Variants in DTNB observed in about 807,000 individuals in gnomAD.
DTNB encodes the protein DTN-B.
DTNB carries 63 observed loss-of-function variants against 90.7 expected under a neutral mutation model. The ratio of observed to expected loss-of-function variants is 0.69; its 90% CI spans 0.57 to 0.86. The LOEUF (loss-of-function observed/expected upper bound fraction) is 0.86. DTNB is among the 40% of genes least tolerant of loss of function. DTNB has a pLI of 0.00. For missense variants in DTNB, 744 were observed against 807.1 expected (o/e 0.92, Z 0.95); for synonymous variants, 277 against 286.7 (o/e 0.97, Z 0.34).
At chr2:25,672,911 T>C (rs1182054060) in intron 1 of DTNB, 1 of 152,324 alleles carries the variant, frequency 6.6e-6, no homozygotes, top group Admixed American at 6.5e-5. Flanking sequence ...AGGTTCGCTA[T>C]TAGGCGCCTC....
intron 1 of DTNB, among the ~76,000 whole-genome samples, chr2:25,664,758 A>T (rs1009617973): frequency 6.6e-6 from 1 of 152,214 alleles, no homozygotes; most frequent in African/African-American, 2.4e-5. Flanking sequence ...TTAGAAGTAG[A>T]GAGGAAACTA....
intron 16 of DTNB, among the ~76,000 whole-genome samples, chr2:25,409,462 C>T (rs181140461): frequency 6.6e-6 from 1 of 152,084 alleles, no homozygotes; most frequent in Non-Finnish European, 1.5e-5. Flanking sequence ...TGGCAAGACT[C>T]GATTAGTGAG....
chr2:25,466,072 C>G (rs1362865155), intron 10 of DTNB, among the ~76,000 whole-genome samples: 1 of 152,110 alleles, frequency 6.6e-6, no homozygotes, highest in Admixed American at 6.6e-5. Context: ...TGGTGGCTCA[C>G]GCTTGTAATC....
intron 8 of DTNB, among the ~76,000 whole-genome samples, chr2:25,536,731 G>C (rs2079899515): frequency 6.6e-6 from 1 of 152,108 alleles, no homozygotes; most frequent in South Asian, 2.1e-4. Flanking sequence ...AGCGAGAGGG[G>C]AGATGGGAGA....
At chr2:25,540,294 T>A (rs1475208591) in intron 8 of DTNB, among the ~76,000 whole-genome samples, 1 of 152,244 alleles carries the variant, frequency 6.6e-6, no homozygotes, top group African/African-American at 2.4e-5. Context: ...CATTTCCCCA[T>A]GTATTTAAAT....
chr2:25,443,398 T>C (rs2057862992), intron 12 of DTNB, among the ~76,000 whole-genome samples: 1 of 152,196 alleles, frequency 6.6e-6, no homozygotes. Flanking sequence ...AAATACAGGA[T>C]AATAAATAAG....
chr2:25,539,486 G>C (rs1191480205), intron 8 of DTNB, among the ~76,000 whole-genome samples: 1 of 151,748 alleles, frequency 6.6e-6, no homozygotes, highest in Non-Finnish European at 1.5e-5. Context: ...TAAAAAGATT[G>C]AGCCTCTTTT....
At chr2:25,435,688 T>C (rs973629905) in intron 12 of DTNB, among the ~76,000 whole-genome samples, 22 of 152,248 alleles carry the variant, frequency 1.4e-4, no homozygotes, top group African/African-American at 5.3e-4. Context: ...TTTTGAATAG[T>C]GCTGCTTTGA....
chr2:25,433,266 C>G (rs1019854639), intron 13 of DTNB, among the ~76,000 whole-genome samples: 4 of 152,178 alleles, frequency 2.6e-5, no homozygotes, highest in African/African-American at 9.7e-5. Flanking sequence ...AAAATTACAG[C>G]CAGAATACTT....
At chr2:25,409,317 A>C (rs2046038962) in intron 16 of DTNB, among the ~76,000 whole-genome samples, 1 of 152,246 alleles carries the variant, frequency 6.6e-6, no homozygotes, top group African/African-American at 2.4e-5. Flanking sequence ...CTAGGTTTAT[A>C]GCCTTTCTCC....
chr2:25,486,700 A>G (rs2066258385), intron 9 of DTNB, among the ~76,000 whole-genome samples: 1 of 152,136 alleles, frequency 6.6e-6, no homozygotes, highest in African/African-American at 2.4e-5. Context: ...CAAAACCTTC[A>G]TGGTTCTTGT....
chr2:25,458,260 C>A (rs924050254), intron 10 of DTNB, among the ~76,000 whole-genome samples: 4 of 152,050 alleles, frequency 2.6e-5, no homozygotes, highest in African/African-American at 9.7e-5. Context: ...GAAATAACTA[C>A]AAAAACAGTT....
intron 19 of DTNB, among the ~76,000 whole-genome samples, chr2:25,382,135 C>T (rs566982771): frequency 1.3e-5 from 2 of 152,356 alleles, no homozygotes; most frequent in Admixed American, 1.3e-4. Flanking sequence ...TTCAGAATTC[C>T]TCCCTGGGAG....
chr2:25,616,638 A>AAAAAAAAAAG (rs1402600473), intron 4 of DTNB, among the ~76,000 whole-genome samples: 1 of 150,326 alleles, frequency 6.7e-6, no homozygotes. Context: ...AGTAAAAAAA[A>AAAAAAAAAAG]AAAAAAAGAC....
intron 4 of DTNB, among the ~76,000 whole-genome samples, chr2:25,609,774 C>T (rs1259072467): frequency 2.0e-5 from 3 of 150,884 alleles, no homozygotes; most frequent in South Asian, 2.1e-4. Context: ...TAGGGTGGGG[C>T]GTTGACACTG....
At chr2:25,603,477 C>T (rs571596839) in intron 5 of DTNB, among the ~76,000 whole-genome samples, 3 of 152,120 alleles carry the variant, frequency 2.0e-5, no homozygotes, top group African/African-American at 7.2e-5. Context: ...TACCTGGAGA[C>T]AGAAACTCTC....
chr2:25,541,483 AAAAT>A, intron 8 of DTNB, among the ~76,000 whole-genome samples: 1 of 152,278 alleles, frequency 6.6e-6, no homozygotes, highest in South Asian at 2.1e-4. Context: ...CCGTCTCAAA[AAAAT>A]AAATAAATAC....
intron 4 of DTNB, among the ~76,000 whole-genome samples, chr2:25,615,798 A>G (rs1452905439): frequency 6.6e-6 from 1 of 152,216 alleles, no homozygotes; most frequent in Non-Finnish European, 1.5e-5. Flanking sequence ...TTCCGTAGAA[A>G]TCAACAGGAT....
chr2:25,566,292 TA>T (rs2059021478), intron 8 of DTNB, among the ~76,000 whole-genome samples: 1 of 152,146 alleles, frequency 6.6e-6, no homozygotes, highest in South Asian at 2.1e-4. Context: ...CAGGTGCAAC[TA>T]AACAAATTGT....
Sources: allele counts gnomAD v4.1 joint callset (sites outside exome capture counted in the v4.1 genomes callset), GRCh38; gene constraint gnomAD v4.1.1; transcripts MANE v1.5; gene names NCBI Gene and HGNC (gene_info 2026-07-23, HGNC 2026-07-21).